The following SRRM4 variants were observed in gnomAD, a reference collection of about 807,000 sequenced individuals.
SRRM4 encodes the protein serine/arginine repetitive matrix protein 4.
SRRM4 carries 33 observed loss-of-function variants against 68.9 expected under a neutral mutation model. That is an observed-to-expected ratio of 0.48 (90% confidence interval 0.36 to 0.64). SRRM4 has a LOEUF of 0.64. Among genes scored for constraint, SRRM4 ranks in the 30% least tolerant of loss-of-function variants. The probability of loss-of-function intolerance (pLI) is 0.00; values close to 1 mark genes in which losing one functional copy is unlikely to be tolerated. For synonymous variants in SRRM4, 318 were observed against 318.8 expected (o/e 1.00, Z 0.03); for missense variants, 817 against 827.1 (o/e 0.99, Z 0.15).
chr12:118,995,854 C>A (rs1177144712), intron 1 of SRRM4, among the ~76,000 whole-genome samples: 2 of 152,170 alleles, frequency 1.3e-5, no homozygotes, highest in African/African-American at 2.4e-5. Context: ...TTATCCACCA[C>A]CACCTATTCA....
intron 1 of SRRM4, among the ~76,000 whole-genome samples, chr12:119,055,395 C>G (rs575288315): frequency 1.3e-5 from 2 of 152,108 alleles, no homozygotes; most frequent in Non-Finnish European, 2.9e-5. Flanking sequence ...AACATTGTGG[C>G]TTTTTTCCCC....
Position 119,154,936 on chromosome 12 carries a change from C to T in SRRM4, c.1532+553C>T, listed in dbSNP as rs1238087454. On this transcript the variant is annotated intron_variant, in intron 12 of 12. Transcript: ENST00000267260. The surrounding 1 kb of genome is among the most constrained non-coding windows in gnomAD (Gnocchi z 4.7). ...CTAGAGGGAGCCACGGTGGATAAGC[C>T]GGAGAGCACTGGATGTGGATTGGAA... is the stretch of plus-strand genomic sequence containing the variant. Among the ~76,000 whole-genome samples, 1 of 152,124 alleles carries T rather than the reference C, an allele frequency of 6.6e-6. No individual in the cohort carries two copies.
At chr12:119,129,489 T>C (rs562670299) in intron 7 of SRRM4, among the ~76,000 whole-genome samples, 5 of 152,292 alleles carry the variant, frequency 3.3e-5, no homozygotes, top group Admixed American at 2.0e-4. Context: ...ATTTCACAGA[T>C]GGCAAAGTCA....
chr12:119,083,281 C>T (rs1295339331), intron 1 of SRRM4, among the ~76,000 whole-genome samples: 1 of 151,982 alleles, frequency 6.6e-6, no homozygotes, highest in African/African-American at 2.4e-5. Flanking sequence ...GGTCATGGAG[C>T]ATTTTCATTT....
At chr12:118,994,083 T>C (rs981403882) in intron 1 of SRRM4, 5 of 152,114 alleles carry the variant, frequency 3.3e-5, no homozygotes. Context: ...TAAACTCCCA[T>C]GCTGATCAGT....
intron 1 of SRRM4, among the ~76,000 whole-genome samples, chr12:119,011,231 T>C (rs1953447070): frequency 1.3e-5 from 2 of 152,134 alleles, no homozygotes; most frequent in Non-Finnish European, 2.9e-5. Context: ...GACACATACA[T>C]GGCAAAAAAC....
chr12:119,078,576 G>A (rs762447329), intron 1 of SRRM4, among the ~76,000 whole-genome samples: 1 of 152,170 alleles, frequency 6.6e-6, no homozygotes, highest in African/African-American at 2.4e-5. Flanking sequence ...TTGCAAGGGG[G>A]AGGCTATACA....
intron 1 of SRRM4, among the ~76,000 whole-genome samples, chr12:119,025,262 G>C (rs147408628): frequency 1.3e-3 from 199 of 152,088 alleles, no homozygotes; most frequent in African/African-American, 4.6e-3. Context: ...GCAAACACCA[G>C]TATGTAAGGG....
At chr12:119,125,517 A>T in intron 7 of SRRM4, 38 bp downstream of exon 7, 1 of 1,574,866 alleles carries the variant, frequency 6.3e-7, no homozygotes, top group Non-Finnish European at 8.7e-7. Flanking sequence ...TGTCAGCCAC[A>T]GCCGAGCCCA....
chr12:119,110,740 T>C (rs1310107497), intron 2 of SRRM4, among the ~76,000 whole-genome samples: 1 of 152,156 alleles, frequency 6.6e-6, no homozygotes, highest in Non-Finnish European at 1.5e-5. Context: ...TTCCCTTGGC[T>C]AGGAAAGGGA....
intron 1 of SRRM4, among the ~76,000 whole-genome samples, chr12:118,997,697 A>T (rs1238647604): frequency 6.6e-6 from 1 of 152,216 alleles, no homozygotes; most frequent in Non-Finnish European, 1.5e-5. Flanking sequence ...AAATGGTAAA[A>T]AAGAACAGGG....
At chr12:119,060,661 C>T (rs7965010) in intron 1 of SRRM4, among the ~76,000 whole-genome samples, 1,522 of 151,936 alleles carry the variant, frequency 0.01, 26 homozygotes, top group African/African-American at 0.035. Context: ...AAGAATGAGG[C>T]CCGGGACTTC....
At chr12:118,991,255 C>T (rs953371844) in intron 1 of SRRM4, among the ~76,000 whole-genome samples, 1 of 152,216 alleles carries the variant, frequency 6.6e-6, no homozygotes, top group Non-Finnish European at 1.5e-5. Context: ...TAGTTACTCA[C>T]ATTTTCCAGG....
chr12:119,154,137 C>T lies in SRRM4; in HGVS notation c.1392-106C>T. On this transcript the variant is annotated intron_variant, in intron 11 of 12. Coordinates refer to ENST00000267260, the MANE Select transcript of SRRM4 (RefSeq NM_194286.4). This position sits in a 1 kb window ranked among gnomAD's most constrained non-coding sequence, Gnocchi z 4.7. Reference sequence around the variant, plus strand: ...TTGCGGCAACGTGCAGACCCCATCCCGTGACCCAGTGGGGTGGGAAAGAAA... The same window carrying T: ...TTGCGGCAACGTGCAGACCCCATCCTGTGACCCAGTGGGGTGGGAAAGAAA... The T allele has an allele frequency of 9.2e-7, 1 of 1,082,270 alleles. No homozygotes were observed. The allele number at this position is 1,082,270 out of a possible 1,614,324, so 67.0% of individuals were successfully genotyped here.
chr12:119,129,684 A>G (rs1272347425), intron 7 of SRRM4, among the ~76,000 whole-genome samples: 1 of 152,226 alleles, frequency 6.6e-6, no homozygotes, highest in Non-Finnish European at 1.5e-5. Context: ...GCATCCTCAG[A>G]CCCTAAAGCA....
intron 1 of SRRM4, among the ~76,000 whole-genome samples, chr12:118,982,669 G>GTTTTTTTTT (rs10533651): frequency 1.7e-5 from 2 of 115,714 alleles, no homozygotes; most frequent in Non-Finnish European, 3.5e-5. Context: ...GTTTTATTTT[G>GTTTTTTTTT]TTTTTTTTTG....
intron 1 of SRRM4, among the ~76,000 whole-genome samples, chr12:119,077,563 C>A: frequency 6.6e-6 from 1 of 151,872 alleles, no homozygotes; most frequent in African/African-American, 2.4e-5. Context: ...AATAAATGAC[C>A]CCAAAATGTC....
chr12:119,061,360 A>G (rs1308468031), intron 1 of SRRM4, among the ~76,000 whole-genome samples: 1 of 152,142 alleles, frequency 6.6e-6, no homozygotes, highest in Non-Finnish European at 1.5e-5. Flanking sequence ...GCTCAAATCC[A>G]GGGGCTTTGC....
chr12:119,069,217 C>CG (rs1002623044), intron 1 of SRRM4, among the ~76,000 whole-genome samples: 66 of 152,138 alleles, frequency 4.3e-4, no homozygotes, highest in African/African-American at 1.5e-3. Flanking sequence ...AGCATGTTAC[C>CG]GGGGGTTCCT....
Sources: gnomAD v4.1 joint callset for allele counts (sites outside exome capture counted in the v4.1 genomes callset) on GRCh38, gnomAD v4.1.1 for gene constraint, Gnocchi (gnomAD v3.1) non-coding constraint, MANE v1.5 for transcripts, NCBI Gene and HGNC (gene_info 2026-07-23, HGNC 2026-07-21) for gene names.